The following EYA3 variants were observed in gnomAD, a reference collection of about 807,000 sequenced individuals.
The protein encoded by EYA3 is EYA transcriptional coactivator and phosphatase 3.
A neutral mutation model predicts 80.0 loss-of-function variants in EYA3; 39 were observed. The observed-to-expected ratio is 0.49, with a 90% CI of 0.38 to 0.64. The LOEUF (loss-of-function observed/expected upper bound fraction) is 0.64. Ranked by LOEUF, EYA3 falls within the 30% of genes least tolerant of loss-of-function variation. The pLI is 0.00. For synonymous variants in EYA3, 206 were observed against 232.8 expected (o/e 0.88, Z 1.05); for missense variants, 523 against 676.1 (o/e 0.77, Z 2.51).
chr1:28,004,560 A>C, intron 10 of EYA3, 141 bp from the exon 11 acceptor site: 1 of 561,320 alleles, frequency 1.8e-6, no homozygotes, highest in Non-Finnish European at 3.2e-6. Context: ...CAATGCGTCA[A>C]AGAAGAAATC....
At chr1:27,983,053 T>C (rs1425269871) in intron 16 of EYA3, among the ~76,000 whole-genome samples, 3 of 152,198 alleles carry the variant, frequency 2.0e-5, no homozygotes, top group Non-Finnish European at 4.4e-5. Context: ...TCCTTGTACA[T>C]GTAAGAATTA....
chr1:28,041,967 T>C (rs950713936), intron 4 of EYA3, among the ~76,000 whole-genome samples: 2 of 152,210 alleles, frequency 1.3e-5, no homozygotes, highest in Non-Finnish European at 2.9e-5. Flanking sequence ...GGAGACACTT[T>C]ACAAATTAGA....
At chr1:28,073,103 TTATA>T (rs201041762) in intron 1 of EYA3, among the ~76,000 whole-genome samples, 559 of 37,752 alleles carry the variant, frequency 0.015, 77 homozygotes, top group African/African-American at 0.026. Flanking sequence ...GATGAAACTA[TTATA>T]TATATATATA....
chr1:28,066,206 C>A (rs1316347362), intron 1 of EYA3, among the ~76,000 whole-genome samples: 1 of 152,054 alleles, frequency 6.6e-6, no homozygotes, highest in Non-Finnish European at 1.5e-5. Context: ...CTACTCAGAT[C>A]AGTGCACAAT....
intron 6 of EYA3, among the ~76,000 whole-genome samples, chr1:28,028,937 T>C (rs1642950658): frequency 6.6e-6 from 1 of 152,096 alleles, no homozygotes; most frequent in South Asian, 2.1e-4. Flanking sequence ...CCCAGGCCAG[T>C]CTTGAACTCC....
rs1243795361 is a variant in EYA3 at position 28,038,828 on chromosome 1, A to G, written c.224+11T>C. Reference sequence around the variant, plus strand: ...AAGCATATGCATTTTGGAAATAATTATTCAACTTACTTTGCAGAATACATT... The same window carrying G: ...AAGCATATGCATTTTGGAAATAATTGTTCAACTTACTTTGCAGAATACATT... On this transcript the variant is annotated intron_variant, in intron 5 of 17. Transcript: ENST00000373871. 6.6e-7 allele frequency: 1 copy of G among 1,514,782 alleles called. No homozygotes were observed. Among genetic ancestry groups the G allele is most frequent in the Non-Finnish European group, 9.0e-7 (1 of 1,115,242 alleles). 93.8% of individuals were successfully genotyped at this position (1,514,782 alleles called of 1,614,324 possible). A position where few individuals can be genotyped will look rare whatever the true frequency, so the allele number is the denominator to read the frequency against.
intron 11 of EYA3, among the ~76,000 whole-genome samples, chr1:28,002,368 C>T (rs557880165): frequency 6.6e-6 from 1 of 151,554 alleles, no homozygotes; most frequent in South Asian, 2.1e-4. Context: ...AATTTTTATA[C>T]ACATTTTGGG....
chr1:28,036,478 AAC>A (rs763419068), intron 5 of EYA3, among the ~76,000 whole-genome samples: 2 of 152,230 alleles, frequency 1.3e-5, no homozygotes, highest in Non-Finnish European at 2.9e-5. Flanking sequence ...AAGGCAAGCA[AAC>A]ACATCAAAAA....
chr1:28,084,576 TATATATATATATATA>T (rs1557659438), intron 1 of EYA3, among the ~76,000 whole-genome samples: 2 of 13,460 alleles, frequency 1.5e-4, no homozygotes, highest in Non-Finnish European at 3.4e-4. Context: ...TATATATATA[TATATATATATATATA>T]TATATTTTTT....
At chr1:28,018,157 C>T (rs1571813295) in intron 7 of EYA3, among the ~76,000 whole-genome samples, 1 of 151,642 alleles carries the variant, frequency 6.6e-6, no homozygotes, top group East Asian at 1.9e-4. Flanking sequence ...AATCGCATGA[C>T]TGCACTACAG....
At position 28,023,569 on chromosome 1, in the gene EYA3, A is replaced by G. The variant is rs1233349574; in HGVS notation, c.499+4220T>C. Among the ~76,000 whole-genome samples, 3 of 152,332 alleles carry G rather than the reference A, an allele frequency of 2.0e-5. No homozygotes were observed. The East Asian group carries it at 5.8e-4, about 29-fold the overall frequency. On this transcript the variant is annotated intron_variant, in intron 7 of 17. Coordinates refer to ENST00000373871, the MANE Select transcript of EYA3 (RefSeq NM_001990.4). ...AGCGTAATAATGAGAAAAACATCAGATAAATTCTCTAAGAGTGGGGCATCT... is the reference window on the plus strand; with the variant it reads ...AGCGTAATAATGAGAAAAACATCAGGTAAATTCTCTAAGAGTGGGGCATCT...
At chr1:28,082,364 A>G (rs1177667812) in intron 1 of EYA3, among the ~76,000 whole-genome samples, 1 of 152,084 alleles carries the variant, frequency 6.6e-6, no homozygotes. Context: ...ATTTGATTAA[A>G]TTTTTTTATT....
intron 17 of EYA3, among the ~76,000 whole-genome samples, chr1:27,977,616 C>T (rs1201941434): frequency 6.6e-6 from 1 of 151,880 alleles, no homozygotes; most frequent in Non-Finnish European, 1.5e-5. Context: ...TTTGGGAGGC[C>T]GAGGCAGGCG....
chr1:28,051,722 C>T (rs542607127), intron 2 of EYA3, among the ~76,000 whole-genome samples: 48 of 151,938 alleles, frequency 3.2e-4, no homozygotes, highest in Middle Eastern at 3.4e-3. Flanking sequence ...TAGGAATAAA[C>T]CTAACAGAAG....
At chr1:28,024,354 A>T (rs1475303761) in intron 7 of EYA3, among the ~76,000 whole-genome samples, 1 of 152,004 alleles carries the variant, frequency 6.6e-6, no homozygotes, top group East Asian at 1.9e-4. Context: ...GTACAAAGAC[A>T]CTCATTAAAA....
intron 6 of EYA3, among the ~76,000 whole-genome samples, chr1:28,029,015 C>T (rs1351201449): frequency 7.2e-5 from 11 of 152,138 alleles, no homozygotes. Flanking sequence ...CCACTGCCAG[C>T]CAAGGACTGT....
intron 7 of EYA3, among the ~76,000 whole-genome samples, chr1:28,025,191 G>T (rs976746200): frequency 6.6e-6 from 1 of 151,998 alleles, no homozygotes; most frequent in African/African-American, 2.4e-5. Context: ...TTAGCCCATT[G>T]TTTTCCTAAC....
rs1276516633 is a variant in EYA3, at chr1:27,999,978, T to C, written c.1065A>G (p.Leu355=). Residue 355 remains leucine (L), a synonymous_variant, in exon 12 of 18, where the codon CTA becomes CTG. Transcript: ENST00000373871. ...EMIFEVADTH[L]FFNDLEECDQ... Reference sequence around the variant, plus strand: ...TGCTTACCTCTAAGTCATTGAAAAATAGATGAGTATCAGCCACTTCAAAAA... The same window carrying C: ...TGCTTACCTCTAAGTCATTGAAAAACAGATGAGTATCAGCCACTTCAAAAA... 4 of 1,607,834 alleles carry C rather than the reference T, an allele frequency of 2.5e-6. No homozygotes were observed.
chr1:28,086,848 G>A (rs553450128), intron 1 of EYA3, among the ~76,000 whole-genome samples: 1 of 152,296 alleles, frequency 6.6e-6, no homozygotes, highest in East Asian at 1.9e-4. Flanking sequence ...GATAAGTCCT[G>A]AAAGCCAATC....
Sources: gnomAD v4.1 joint callset for allele counts (sites outside exome capture counted in the v4.1 genomes callset) on GRCh38, gnomAD v4.1.1 for gene constraint, MANE v1.5 for transcripts, NCBI Gene and HGNC (gene_info 2026-07-23, HGNC 2026-07-21) for gene names.